Variants in IMPDH1 observed in about 807,000 individuals in gnomAD.
IMPDH1 encodes inosine-5'-monophosphate dehydrogenase 1.
IMPDH1 carries 41 observed loss-of-function variants against 73.5 expected under a neutral mutation model. That is an observed-to-expected ratio of 0.56 (90% confidence interval 0.43 to 0.72). The LOEUF is 0.72. IMPDH1 is among the 30% of genes least tolerant of loss of function. The pLI is 0.00. For synonymous variants in IMPDH1, 318 were observed against 334.3 expected (o/e 0.95, Z 0.53); for missense variants, 645 against 824.8 (o/e 0.78, Z 2.67).
chr7:128,404,362 C>A (rs1798556653), intron 4 of IMPDH1, among the ~76,000 whole-genome samples: 1 of 152,110 alleles, frequency 6.6e-6, no homozygotes. Context: ...GAGGTGGGAC[C>A]AGGACACTGG....
intron 3 of IMPDH1, among the ~76,000 whole-genome samples, chr7:128,406,234 C>T (rs1324014364): frequency 4.0e-5 from 6 of 150,072 alleles, no homozygotes; most frequent in South Asian, 2.1e-4. Context: ...CGGGACACGC[C>T]CCCTCCGCCG....
At position 128,407,774 on chromosome 7, in the gene IMPDH1, G is replaced by A. The variant is rs149151734; in HGVS notation, c.254+1515C>T. ...CTATTCAGGATTCAACCAGAGCCAG[G>A]GCCCAGGAGAGCAGCTGGATTTTAC... is the stretch of plus-strand genomic sequence containing the variant. On this transcript the variant is annotated intron_variant, in intron 3 of 16. Coordinates refer to ENST00000338791, the MANE Select transcript of IMPDH1 (RefSeq NM_000883.4). Among the ~76,000 whole-genome samples, 130 of 152,250 alleles carry A rather than the reference G, an allele frequency of 8.5e-4. 1 individual carries two copies. The highest frequency in any genetic ancestry group is 3.0e-3 in the African/African-American group (124 of 41,536).
chr7:128,398,353 T>C lies in IMPDH1; in HGVS notation c.1074+61A>G. 1.4e-6 allele frequency: 2 copies of C among 1,421,148 alleles called. No individual in the cohort carries two copies. The highest frequency in any genetic ancestry group is 9.9e-7 in the Non-Finnish European group (1 of 1,008,306). 88.0% of individuals were successfully genotyped at this position (1,421,148 alleles called of 1,614,324 possible). A position where few individuals can be genotyped will look rare whatever the true frequency, so the allele number is the denominator to read the frequency against. On this transcript the variant is annotated intron_variant, in intron 10 of 16. Coordinates refer to ENST00000338791, the MANE Select transcript of IMPDH1 (RefSeq NM_000883.4). This position sits in a 1 kb window ranked among gnomAD's most constrained non-coding sequence, Gnocchi z 4.3. ...AATCAGAGGTGAACCTGGGTCCTCATAAACCTCCACTCTGCTGAACCACTC... is the reference window on the plus strand; with the variant it reads ...AATCAGAGGTGAACCTGGGTCCTCACAAACCTCCACTCTGCTGAACCACTC...
intron 4 of IMPDH1, 37 bp from the exon 5 acceptor site, chr7:128,403,791 G>C (rs759278285): frequency 8.2e-6 from 13 of 1,594,096 alleles, no homozygotes; most frequent in Non-Finnish European, 9.5e-6. Flanking sequence ...TTAGTGGGGA[G>C]GGGTGCCCCA....
chr7:128,395,697 T>G (rs1584718267), intron 12 of IMPDH1, among the ~76,000 whole-genome samples: 1 of 152,242 alleles, frequency 6.6e-6, no homozygotes, highest in African/African-American at 2.4e-5. Flanking sequence ...CCTTCAGTGT[T>G]AGGTTTTAGG....
rs745542288 is a variant in IMPDH1, at chr7:128,409,721, C to G, written c.146+35G>C. ...CCGCGCCCTCCTCGGCCGCCCGCCC[C>G]GGATGCGCCCCGCGCGCTCTGCCCT... On this transcript the variant is annotated intron_variant, in intron 1 of 16. Coordinates refer to ENST00000338791, the MANE Select transcript of IMPDH1 (RefSeq NM_000883.4). 76 of 1,524,598 alleles carry G rather than the reference C, an allele frequency of 5.0e-5. No individual in the cohort carries two copies. In the African/African-American group the frequency reaches 9.7e-4, roughly 19 times the overall value. The allele number at this position is 1,524,598 out of a possible 1,614,324, so 94.4% of individuals were successfully genotyped here.
At chr7:128,409,415 G>A (rs1798988311) in intron 2 of IMPDH1, 26 bp downstream of exon 2, 3 of 1,614,082 alleles carry the variant, frequency 1.9e-6, no homozygotes, top group Admixed American at 1.7e-5. Context: ...AGCAAGCACT[G>A]TTTGAACCCC....
In IMPDH1 at chr7:128,394,552, T is replaced by C. The variant is rs144498273; in HGVS notation, c.1598A>G (p.Gln533Arg). The change falls in exon 15 of 17, where the codon CAG becomes CGG. Residue 533 changes from glutamine to arginine, a missense_variant. This residue lies in a region of IMPDH1 where 459 missense variants were observed against 638.2 expected (regional missense o/e 0.72). Coordinates refer to ENST00000338791, the MANE Select transcript of IMPDH1 (RefSeq NM_000883.4). The surrounding 1 kb of genome is among the most constrained non-coding windows in gnomAD (Gnocchi z 5.5). Reference protein sequence around the residue: ...KIAQGVSGSIQDKGSIQKFVP... With the variant: ...KIAQGVSGSIRDKGSIQKFVP... Reference sequence around the variant, plus strand: ...GAACTTCTGAATGGATCCTTTGTCCTGGATGGAGCCCGAGACACCCTGCGC... The same window carrying C: ...GAACTTCTGAATGGATCCTTTGTCCCGGATGGAGCCCGAGACACCCTGCGC... 1.3e-3 allele frequency: 2,113 copies of C among 1,613,906 alleles called. 6 individuals are homozygous for C. The highest frequency in any genetic ancestry group is 3.5e-3 in the Middle Eastern group (21 of 6,044).
In IMPDH1 at chr7:128,394,629, C is replaced by G. The variant is rs749126638; in HGVS notation, c.1551-30G>C. On this transcript the variant is annotated intron_variant, in intron 14 of 16. Transcript: ENST00000338791. This position sits in a 1 kb window ranked among gnomAD's most constrained non-coding sequence, Gnocchi z 5.5. The stretch of plus-strand genomic sequence containing the variant: ...GTGGAGGGTGGAAGACTGAGCCCAG[C>G]AGCTTGAAGCTCAGAGGACCCCACC... 14 of 1,611,772 alleles carry G rather than the reference C, an allele frequency of 8.7e-6. No individual in the cohort carries two copies. Among genetic ancestry groups the G allele is most frequent in the Admixed American group, 5.0e-5 (3 of 59,992 alleles).
At chr7:128,393,076 T>C in intron 16 of IMPDH1, 48 bp from the exon 17 acceptor site, 1 of 1,604,860 alleles carries the variant, frequency 6.2e-7, no homozygotes, top group Non-Finnish European at 8.5e-7. Context: ...GTGTGGACCC[T>C]GCTCCTTCCC....
intron 3 of IMPDH1, 152 bp from the exon 4 acceptor site, chr7:128,406,017 G>C (rs1327099279): frequency 1.8e-5 from 7 of 389,454 alleles, no homozygotes; most frequent in South Asian, 1.0e-4. Context: ...CTGCGGCAGC[G>C]GCAGGGCGGG....
rs1248849075 is a variant in IMPDH1 at position 128,409,845 on chromosome 7, C to T, written c.57G>A (p.Pro19=). ...CCGGGTGTTGCCGGGCTCCGGGCTC[C>T]GGAACAGCGGCGGCTCCGCCTCCCT... ...PLQGGGAAAV[P]EPGARQHPGH... The change falls in exon 1 of 17, where the codon CCG becomes CCA. Residue 19 remains proline (P), a synonymous_variant. Coordinates refer to ENST00000338791, the MANE Select transcript of IMPDH1 (RefSeq NM_000883.4). 2.0e-6 allele frequency: 3 copies of T among 1,492,518 alleles called. No homozygotes were observed. The highest frequency in any genetic ancestry group is 2.5e-5 in the South Asian group (2 of 79,510). 92.5% of individuals were successfully genotyped at this position (1,492,518 alleles called of 1,614,324 possible). A position where few individuals can be genotyped will look rare whatever the true frequency, so the allele number is the denominator to read the frequency against.
Position 128,394,649 on chromosome 7 carries a change from C to A in IMPDH1, c.1551-50G>T, listed in dbSNP as rs1329376770. On this transcript the variant is annotated intron_variant, in intron 14 of 16. Transcript: ENST00000338791. The surrounding 1 kb of genome is among the most constrained non-coding windows in gnomAD (Gnocchi z 5.5). ...CCCAGCAGCTTGAAGCTCAGAGGAC[C>A]CCACCCCACCTCTTAAGGGCAAAAA... 4.4e-6 allele frequency: 7 copies of A among 1,606,624 alleles called. No individual in the cohort carries two copies. Among genetic ancestry groups the A allele is most frequent in the Non-Finnish European group, 5.1e-6 (6 of 1,176,898 alleles).
intron 5 of IMPDH1, among the ~76,000 whole-genome samples, chr7:128,403,417 G>C (rs148211328): frequency 0.018 from 2,745 of 152,280 alleles, 43 homozygotes; most frequent in South Asian, 0.055. Context: ...AATTATCGGG[G>C]GGTTTTGGCA....
rs1405552374 is a variant in IMPDH1, at chr7:128,409,865, C to T, written c.37G>A (p.Gly13Ser). The T allele has an allele frequency of 1.3e-6, 2 of 1,488,510 alleles. No homozygotes were observed. Among genetic ancestry groups the T allele is most frequent in the Non-Finnish European group, 8.9e-7 (1 of 1,125,960 alleles). The allele number at this position is 1,488,510 out of a possible 1,614,324, so 92.2% of individuals were successfully genotyped here. A position where few individuals can be genotyped will look rare whatever the true frequency, so the allele number is the denominator to read the frequency against. ...GPLTPPPLQG[G>S]GAAAVPEPGA... ...GGCTCCGGAACAGCGGCGGCTCCGC[C>T]TCCCTGCAGCGGTGGTGGAGTGAGT... Residue 13 changes from glycine (G) to serine (S), a missense_variant, in exon 1 of 17, where the codon GGC (glycine) becomes AGC (serine). Gly to Ser is a moderately conservative substitution (Grantham distance 56). Around this residue, in one of 2 missense-constraint regions of IMPDH1, gnomAD observed 186 missense variants for 186.6 expected, o/e 1.00. Coordinates refer to ENST00000338791, the MANE Select transcript of IMPDH1 (RefSeq NM_000883.4).
chr7:128,400,630 G>A, intron 7 of IMPDH1, 91 bp from the exon 8 acceptor site: 4 of 1,372,852 alleles, frequency 2.9e-6, no homozygotes, highest in Admixed American at 1.8e-5. Context: ...CAGCTGTGCT[G>A]CAGAGAAGCC....
intron 5 of IMPDH1, among the ~76,000 whole-genome samples, chr7:128,403,390 T>G (rs1798473797): frequency 6.6e-6 from 1 of 152,110 alleles, no homozygotes; most frequent in South Asian, 2.1e-4. Context: ...AAACCCCGTC[T>G]CCACTAAAAA....
intron 4 of IMPDH1, among the ~76,000 whole-genome samples, chr7:128,405,472 C>T (rs370357359): frequency 6.6e-6 from 1 of 152,182 alleles, no homozygotes; most frequent in Admixed American, 6.5e-5. Context: ...ATAATGCCCA[C>T]ATCTCCAGTT....
chr7:128,393,923 T>C (rs998421627), intron 16 of IMPDH1, among the ~76,000 whole-genome samples: 32 of 151,886 alleles, frequency 2.1e-4, no homozygotes, highest in African/African-American at 7.3e-4. Flanking sequence ...GCCAGAGGGG[T>C]CACACCCGCA....
Sources: allele counts gnomAD v4.1 joint callset (sites outside exome capture counted in the v4.1 genomes callset), GRCh38; gene constraint gnomAD v4.1.1; regional missense constraint gnomAD v4.1.1; non-coding constraint Gnocchi (gnomAD v3.1); transcripts MANE v1.5; gene names NCBI Gene and HGNC (gene_info 2026-07-23, HGNC 2026-07-21).